AFF1: variants seen among roughly 807,000 people sequenced by gnomAD.
AFF1 encodes the protein ALF transcription elongation factor 1, also known as AF4/FMR2 family member 1.
AFF1 carries 48 observed loss-of-function variants against 121.7 expected under a neutral mutation model. That is an observed-to-expected ratio of 0.39 (90% CI 0.31 to 0.50). The LOEUF is 0.50. AFF1 is among the 20% of genes least tolerant of loss of function. The pLI is 0.76. For missense variants in AFF1, 1,523 were observed against 1,511.7 expected (o/e 1.01, Z -0.12); for synonymous variants, 613 against 563.0 (o/e 1.09, Z -1.26).
Position 87,105,804 on chromosome 4 carries a change from C to G in AFF1, c.1339-4C>G. ...TCTTTCTTCCCCTTATTGTGAATGC[C>G]TAGACCCCAGAGAAGCCTCCCTCCT... On this transcript the variant is annotated splice_region_variant and splice_polypyrimidine_tract_variant and intron_variant, in intron 9 of 20. Coordinates refer to ENST00000395146, the MANE Select transcript of AFF1 (RefSeq NM_001166693.3). The G allele has an allele frequency of 1.9e-6, 3 of 1,614,020 alleles. No homozygotes were observed. Among genetic ancestry groups the G allele is most frequent in the South Asian group, 1.1e-5 (1 of 91,074 alleles).
At chr4:87,051,415 CT>C (rs5860052) in intron 4 of AFF1, among the ~76,000 whole-genome samples, 36,210 of 141,432 alleles carry the variant, frequency 0.26, 4,898 homozygotes, top group African/African-American at 0.37. Flanking sequence ...TTTCCTTTTT[CT>C]TTTTTTTTTT....
intron 8 of AFF1, among the ~76,000 whole-genome samples, chr4:87,103,390 A>G (rs938059717): frequency 6.6e-6 from 1 of 152,224 alleles, no homozygotes. Context: ...ACAAATTTTT[A>G]TTAAGTAAAA....
intron 2 of AFF1, among the ~76,000 whole-genome samples, chr4:86,949,182 T>A (rs13110218): frequency 0.22 from 11,992 of 55,760 alleles, 517 homozygotes; most frequent in Non-Finnish European, 0.28. Flanking sequence ...ATATATATAT[T>A]TTTTTTTTTT....
intron 2 of AFF1, 46 bp downstream of exon 2, chr4:86,948,617 T>C: frequency 6.6e-7 from 1 of 1,505,734 alleles, no homozygotes; most frequent in Non-Finnish European, 8.9e-7. Context: ...TATTTAATTT[T>C]ATAATCTACT....
At chr4:87,100,198 C>T (rs1725278551) in intron 8 of AFF1, among the ~76,000 whole-genome samples, 1 of 151,930 alleles carries the variant, frequency 6.6e-6, no homozygotes, top group South Asian at 2.1e-4. Context: ...GGAATCTTAG[C>T]CTTAAGGGTA....
At chr4:87,111,444 C>G (rs1726521662) in intron 11 of AFF1, among the ~76,000 whole-genome samples, 1 of 150,784 alleles carries the variant, frequency 6.6e-6, no homozygotes, top group Admixed American at 6.6e-5. Context: ...ACCTCTGCCT[C>G]CCGGGTTCAA....
chr4:87,124,614 A>T (rs905653365), intron 12 of AFF1, among the ~76,000 whole-genome samples: 2 of 152,310 alleles, frequency 1.3e-5, no homozygotes, highest in East Asian at 1.9e-4. Flanking sequence ...GTTTAAGTGG[A>T]TGGTTCTTTC....
intron 4 of AFF1, among the ~76,000 whole-genome samples, chr4:87,055,513 C>T (rs1720027925): frequency 6.6e-6 from 1 of 152,104 alleles, no homozygotes; most frequent in South Asian, 2.1e-4. Context: ...TATTGGATCC[C>T]CCTGAGTCTC....
chr4:87,131,524 T>C (rs1728826064), intron 17 of AFF1, among the ~76,000 whole-genome samples: 1 of 152,254 alleles, frequency 6.6e-6, no homozygotes, highest in South Asian at 2.1e-4. Flanking sequence ...AGCCTTTGTT[T>C]ACTTACCTAC....
rs138719157 is a variant in AFF1, at chr4:86,981,577, C to T, written c.38+33006C>T. Among the ~76,000 whole-genome samples the T allele has an allele frequency of 2.5e-3, 388 of 152,172 alleles. 5 individuals carry two copies. Among genetic ancestry groups the T allele is most frequent in the African/African-American group, 8.1e-3 (338 of 41,510 alleles). ...AGAGATGAGATTTCACCATGTTGAC[C>T]AGGCTGGTCTCAAACTCCTGGCCTC... On this transcript the variant is annotated intron_variant, in intron 2 of 20. Transcript: ENST00000395146.
chr4:86,946,812 C>T (rs944881354), intron 1 of AFF1, among the ~76,000 whole-genome samples: 9 of 152,108 alleles, frequency 5.9e-5, no homozygotes, highest in Non-Finnish European at 1.2e-4. Context: ...ACAGCCCAAC[C>T]TGTCTCCTTT....
chr4:86,997,870 A>T (rs1418027465), intron 2 of AFF1, among the ~76,000 whole-genome samples: 2 of 152,094 alleles, frequency 1.3e-5, no homozygotes, highest in African/African-American at 4.8e-5. Flanking sequence ...GCACTTTGGG[A>T]GGCCGAGGCT....
rs367995603 is a variant in AFF1, at chr4:87,127,166, T to TCCCC, written c.2903+55_2903+58dup. 210 of 1,087,196 alleles carry TCCCC rather than the reference T, an allele frequency of 1.9e-4. 6 individuals carry two copies. The highest frequency in any genetic ancestry group is 5.7e-4 in the African/African-American group (31 of 54,426). The allele number at this position is 1,087,196 out of a possible 1,614,324, so 67.3% of individuals were successfully genotyped here. A position where few individuals can be genotyped will look rare whatever the true frequency, so the allele number is the denominator to read the frequency against. Reference sequence around the variant, plus strand: ...TTGCTCTGTTTTGTTTTGTTTTGCTTCCCCCCCCCACCAAGATAGAGTCTC... The same window carrying TCCCC: ...TTGCTCTGTTTTGTTTTGTTTTGCTTCCCCCCCCCCCCCACCAAGATAGAGTCTC... On this transcript the variant is annotated intron_variant, in intron 15 of 20. Transcript: ENST00000395146.
chr4:87,086,622 A>G (rs1578221280), intron 5 of AFF1, among the ~76,000 whole-genome samples: 1 of 152,090 alleles, frequency 6.6e-6, no homozygotes, highest in East Asian at 1.9e-4. Flanking sequence ...CTGTGACCTC[A>G]GTTAAGTTAT....
Position 87,126,339 on chromosome 4 carries a change from G to GA in AFF1, c.2811+4dup. On this transcript the variant is annotated splice_donor_region_variant and intron_variant, in intron 14 of 20. Transcript: ENST00000395146. Reference sequence around the variant, plus strand: ...CCAGAAGCTCCTCGGAGCACAAGGTGAGCAGGGGCGGCGGTCACTCTGTAA... The same window carrying GA: ...CCAGAAGCTCCTCGGAGCACAAGGTGAAGCAGGGGCGGCGGTCACTCTGTAA... The GA allele has an allele frequency of 6.2e-7, 1 of 1,613,118 alleles. No homozygotes were observed. The highest frequency in any genetic ancestry group is 1.1e-5 in the South Asian group (1 of 91,020).
At chr4:86,959,940 TG>T (rs1416100097) in intron 2 of AFF1, among the ~76,000 whole-genome samples, 1 of 152,180 alleles carries the variant, frequency 6.6e-6, no homozygotes, top group East Asian at 1.9e-4. Context: ...TGGTTCTAAC[TG>T]GGGGCCAGGG....
rs878904892 is a variant in AFF1, at chr4:87,136,420, G to A, written c.*719G>A. On this transcript the variant is annotated 3_prime_UTR_variant, in exon 21 of 21. Transcript: ENST00000395146. ...ATTACTGTGCTGAAAGTCAGCCCACGTCGGAGCGGTGAGGAGGAGCCACAG... is the reference window on the plus strand; with the variant it reads ...ATTACTGTGCTGAAAGTCAGCCCACATCGGAGCGGTGAGGAGGAGCCACAG... 1.3e-5 allele frequency: 3 copies of A among 232,324 alleles called. No individual in the cohort carries two copies. The highest frequency in any genetic ancestry group is 6.6e-5 in the African/African-American group (3 of 45,268). 14.4% of individuals were successfully genotyped at this position (232,324 alleles called of 1,614,324 possible).
chr4:87,095,417 C>T (rs1487019202), intron 8 of AFF1, among the ~76,000 whole-genome samples: 4 of 152,142 alleles, frequency 2.6e-5, no homozygotes, highest in African/African-American at 9.7e-5. Flanking sequence ...CTGCACCTGG[C>T]CTAATATTTG....
At chr4:87,012,735 A>G (rs373927495) in intron 2 of AFF1, among the ~76,000 whole-genome samples, 4 of 152,180 alleles carry the variant, frequency 2.6e-5, no homozygotes, top group African/African-American at 9.7e-5. Flanking sequence ...ACTTCAGGAG[A>G]AAATATGTAT....
Sources: gnomAD v4.1 joint callset for allele counts (sites outside exome capture counted in the v4.1 genomes callset) on GRCh38, gnomAD v4.1.1 for gene constraint, MANE v1.5 for transcripts, NCBI Gene and HGNC (gene_info 2026-07-23, HGNC 2026-07-21) for gene names.